SIPA1L3: variants seen among roughly 807,000 people sequenced by gnomAD.
SIPA1L3 encodes signal induced proliferation associated 1 like 3, also known as signal-induced proliferation-associated 1-like protein 3.
A neutral mutation model predicts 150.1 loss-of-function variants in SIPA1L3; 59 were observed. The observed-to-expected ratio is 0.39, with a 90% confidence interval of 0.32 to 0.49. The LOEUF (loss-of-function observed/expected upper bound fraction) is 0.49. Ranked by LOEUF, SIPA1L3 falls within the 20% of genes least tolerant of loss-of-function variation. The probability of loss-of-function intolerance (pLI) is 0.86; values close to 1 mark genes in which losing one functional copy is unlikely to be tolerated. For synonymous variants in SIPA1L3, 1,070 were observed against 1,077.6 expected (o/e 0.99, Z 0.14); for missense variants, 2,211 against 2,489.5 (o/e 0.89, Z 2.38).
At position 38,082,528 on chromosome 19, in the gene SIPA1L3, C is replaced by T. The variant is rs778881369; in HGVS notation, c.963C>T (p.Ala321=). 1.9e-6 allele frequency: 3 copies of T among 1,597,542 alleles called. No homozygotes were observed. The highest frequency in any genetic ancestry group is 3.4e-5 in the Admixed American group (2 of 59,528). Residue 321 remains alanine (A), a synonymous_variant, in exon 3 of 22, where the codon GCC becomes GCT. Transcript: ENST00000222345. ...AGGCTGGGCGTTCCCCGGGGGAGGC[C>T]GACGAGGGCCGGAGCCCCCCGGAAG... is the stretch of plus-strand genomic sequence containing the variant. ...EGEAGRSPGE[A]DEGRSPPEAS...
intron 15 of SIPA1L3, 102 bp downstream of exon 15, chr19:38,165,008 C>G: frequency 9.6e-7 from 1 of 1,044,002 alleles, no homozygotes; most frequent in Non-Finnish European, 1.3e-6. Flanking sequence ...AACACACTCA[C>G]GGATGAATGC....
At chr19:37,991,234 AAAAGAAAGAAAG>A (rs561742926) in intron 1 of SIPA1L3, among the ~76,000 whole-genome samples, 2 of 152,164 alleles carry the variant, frequency 1.3e-5, no homozygotes, top group African/African-American at 4.8e-5. Flanking sequence ...TCTGTCTCAA[AAAAGAAAGAAAG>A]AAAGAAAGAA....
At chr19:37,942,179 C>A (rs544822283) in intron 1 of SIPA1L3, among the ~76,000 whole-genome samples, 1 of 152,238 alleles carries the variant, frequency 6.6e-6, no homozygotes, top group East Asian at 1.9e-4. Flanking sequence ...CCGATAAGGT[C>A]TGTCCTCCTG....
intron 12 of SIPA1L3, among the ~76,000 whole-genome samples, chr19:38,146,301 CATT>C (rs1354717630): frequency 6.6e-6 from 1 of 152,206 alleles, no homozygotes; most frequent in Non-Finnish European, 1.5e-5. Context: ...CTAGTTCACT[CATT>C]ATGCTGTTTA....
intron 2 of SIPA1L3, among the ~76,000 whole-genome samples, chr19:38,065,987 CTTATTTATTTATTTAT>C (rs56249728): frequency 0.053 from 6,396 of 121,232 alleles, 235 homozygotes; most frequent in Middle Eastern, 0.083. Context: ...GGCTTGATCT[CTTATTTATTTATTTAT>C]TTATTTATTT....
chr19:38,108,990 C>CA (rs1048216439), intron 7 of SIPA1L3, among the ~76,000 whole-genome samples: 32 of 143,056 alleles, frequency 2.2e-4, no homozygotes, highest in South Asian at 1.3e-3. Context: ...ACTCAGTCTC[C>CA]AAAAAAAAAA....
intron 10 of SIPA1L3, among the ~76,000 whole-genome samples, chr19:38,133,783 TA>T (rs1256963022): frequency 1.3e-5 from 2 of 152,088 alleles, no homozygotes; most frequent in Non-Finnish European, 2.9e-5. Flanking sequence ...ACAAGGACAA[TA>T]ACGTCCTTTC....
intron 9 of SIPA1L3, among the ~76,000 whole-genome samples, chr19:38,123,806 G>A (rs1463413618): frequency 4.1e-5 from 5 of 121,152 alleles, no homozygotes; most frequent in African/African-American, 1.2e-4. Context: ...GGTGGCGGCC[G>A]GGCAGAGGGG....
intron 1 of SIPA1L3, among the ~76,000 whole-genome samples, chr19:37,942,291 A>AGAAT (rs1273964825): frequency 1.3e-5 from 2 of 151,954 alleles, no homozygotes; most frequent in African/African-American, 4.8e-5. Flanking sequence ...TCAGGAAAGC[A>AGAAT]GAATGGCGAG....
intron 1 of SIPA1L3, among the ~76,000 whole-genome samples, chr19:37,973,828 G>T (rs191872748): frequency 3.3e-5 from 5 of 152,278 alleles, no homozygotes; most frequent in African/African-American, 1.2e-4. Flanking sequence ...TGTGCAGTAA[G>T]ATGTGTGGTT....
At chr19:38,044,929 A>T (rs772312370) in intron 2 of SIPA1L3, among the ~76,000 whole-genome samples, 1 of 152,180 alleles carries the variant, frequency 6.6e-6, no homozygotes, top group Non-Finnish European at 1.5e-5. Context: ...GTCTAATAAT[A>T]ATACTGACTC....
intron 20 of SIPA1L3, among the ~76,000 whole-genome samples, chr19:38,202,906 G>A (rs1403255331): frequency 6.6e-5 from 10 of 152,198 alleles, no homozygotes; most frequent in Non-Finnish European, 1.5e-5. Flanking sequence ...CTCACATTCA[G>A]CGCAGCATAT....
intron 1 of SIPA1L3, among the ~76,000 whole-genome samples, chr19:37,983,219 C>T (rs1233682387): frequency 6.6e-6 from 1 of 152,162 alleles, no homozygotes; most frequent in Non-Finnish European, 1.5e-5. Flanking sequence ...GGGCAAATGC[C>T]ACATCTGGGC....
chr19:38,203,939 G>T (rs1025956843), intron 20 of SIPA1L3, 188 bp from the exon 21 acceptor site: 2 of 584,776 alleles, frequency 3.4e-6, no homozygotes, highest in African/African-American at 1.9e-5. Context: ...ATCCACAGAG[G>T]TGCCCTTGGT....
At chr19:38,198,577 C>G (rs1973019040) in intron 19 of SIPA1L3, 45 bp downstream of exon 19, 3 of 1,453,278 alleles carry the variant, frequency 2.1e-6, no homozygotes, top group South Asian at 1.5e-5. Flanking sequence ...ACCCCGTCCT[C>G]TGTTCTAGAG....
chr19:38,201,915 A>G lies in SIPA1L3; in HGVS notation c.5038A>G (p.Ile1680Val), dbSNP rs779676484. The G allele has an allele frequency of 6.2e-7, 1 of 1,613,974 alleles. No homozygotes were observed. Among genetic ancestry groups the G allele is most frequent in the East Asian group, 2.2e-5 (1 of 44,860 alleles). ...GAACGACCCGGCCCTGAGCCCGGAC[A>G]TCCCGCCTGCACACAGTCCTGTCCA... ...SLNDPALSPDIPPAHSPVHSH... is the reference protein window; with the variant it reads ...SLNDPALSPDVPPAHSPVHSH... The change falls in exon 20 of 22, where the codon ATC becomes GTC. Residue 1680 changes from isoleucine to valine, a missense_variant. Ile to Val is a conservative substitution (Grantham distance 29). This residue lies in a region of SIPA1L3 where 806 missense variants were observed against 870.1 expected (regional missense o/e 0.93). Transcript: ENST00000222345.
intron 6 of SIPA1L3, 24 bp downstream of exon 6, chr19:38,101,250 A>C: frequency 6.8e-7 from 1 of 1,477,644 alleles, no homozygotes; most frequent in Non-Finnish European, 9.1e-7. Context: ...CGGTTAGATC[A>C]CAGTGAGCCA....
intron 13 of SIPA1L3, among the ~76,000 whole-genome samples, chr19:38,153,726 G>A (rs975824014): frequency 6.7e-6 from 1 of 149,594 alleles, no homozygotes; most frequent in Admixed American, 6.7e-5. Context: ...TTGAGGTCAG[G>A]AATTCAAGAC....
intron 2 of SIPA1L3, among the ~76,000 whole-genome samples, chr19:38,040,771 CT>C (rs982310908): frequency 6.6e-6 from 1 of 152,080 alleles, no homozygotes; most frequent in Non-Finnish European, 1.5e-5. Context: ...CCCTATCTTG[CT>C]TTTTTTGAGT....
Sources: gnomAD v4.1 joint callset for allele counts (sites outside exome capture counted in the v4.1 genomes callset) on GRCh38, gnomAD v4.1.1 for gene constraint, gnomAD v4.1.1 regional missense constraint, MANE v1.5 for transcripts, NCBI Gene and HGNC (gene_info 2026-07-23, HGNC 2026-07-21) for gene names.